Variants in HDAC8 observed in about 807,000 individuals in gnomAD.
HDAC8 encodes the protein histone deacetylase 8.
HDAC8 carries 1 observed loss-of-function variant against 32.2 expected under a neutral mutation model. The observed-to-expected ratio is 0.03, with a 90% CI of 0.01 to 0.15. HDAC8 has a LOEUF of 0.15. Among genes scored for constraint, HDAC8 ranks in the 10% least tolerant of loss-of-function variants. The pLI is 1.00. For missense variants in HDAC8, 117 were observed against 300.0 expected (o/e 0.39, Z 4.51); for synonymous variants, 108 against 113.9 (o/e 0.95, Z 0.33).
intron 9 of HDAC8, among the ~76,000 whole-genome samples, chrX:72,443,424 C>A (rs1555982993): frequency 9.0e-6 from 1 of 110,833 alleles, no homozygotes; most frequent in East Asian, 2.8e-4. Flanking sequence ...ACAACCTGCT[C>A]CTGAATGACT....
At chrX:72,495,360 CTAAAGTTCCCCCTTCTTT>C (rs2048989882) in intron 4 of HDAC8, 92 bp from the exon 5 acceptor site, 2 of 464,753 alleles carry the variant, frequency 4.3e-6, no homozygotes, top group East Asian at 8.1e-5. Context: ...ATCTAGTCCC[CTAAAGTTCCCCCTTCTTT>C]TAAGAAAAAC....
chrX:72,409,972 G>A (rs1450570493), intron 9 of HDAC8, among the ~76,000 whole-genome samples: 1 of 112,191 alleles, frequency 8.9e-6, no homozygotes, highest in African/African-American at 3.2e-5. Flanking sequence ...AATGATTCAG[G>A]ACAAATATCT....
intron 7 of HDAC8, among the ~76,000 whole-genome samples, chrX:72,470,124 G>A (rs2048125892): frequency 9.2e-6 from 1 of 108,499 alleles, no homozygotes; most frequent in African/African-American, 3.4e-5. Context: ...CTCCAGCCTG[G>A]GCCACAGAGT....
At chrX:72,556,393 A>G (rs2051283681) in intron 4 of HDAC8, among the ~76,000 whole-genome samples, 1 of 112,063 alleles carries the variant, frequency 8.9e-6, no homozygotes, top group South Asian at 3.7e-4. Context: ...TGAATAGAAT[A>G]GTACCTCAAT....
At chrX:72,513,492 A>AT (rs1195580059) in intron 4 of HDAC8, among the ~76,000 whole-genome samples, 1 of 108,837 alleles carries the variant, frequency 9.2e-6, no homozygotes, top group Non-Finnish European at 1.9e-5. Context: ...CACCTAACTA[A>AT]TTTTTTTGTA....
At chrX:72,378,491 G>C (rs144510953) in intron 9 of HDAC8, among the ~76,000 whole-genome samples, 73 of 111,906 alleles carry the variant, frequency 6.5e-4, no homozygotes, top group African/African-American at 2.3e-3. Context: ...GAACTTCCTA[G>C]CTTCCAGAAC....
intron 9 of HDAC8, among the ~76,000 whole-genome samples, chrX:72,405,828 A>C (rs1157542815): frequency 3.6e-5 from 4 of 111,572 alleles, no homozygotes; most frequent in African/African-American, 1.3e-4. Flanking sequence ...TTTTCAACTG[A>C]TGTATAAAGC....
At chrX:72,331,215 G>C (rs1555940403) in intron 10 of HDAC8, among the ~76,000 whole-genome samples, 1 of 110,793 alleles carries the variant, frequency 9.0e-6, no homozygotes, top group African/African-American at 3.3e-5. Context: ...AAAGTGCTGG[G>C]ATTACAGGTA....
intron 9 of HDAC8, among the ~76,000 whole-genome samples, chrX:72,353,581 G>A (rs1354412110): frequency 4.5e-5 from 5 of 111,838 alleles, no homozygotes; most frequent in African/African-American, 1.6e-4. Context: ...AGAAACTTGA[G>A]AGGCTTGTAT....
At chrX:72,465,817 T>TA (rs1428329223) in intron 7 of HDAC8, among the ~76,000 whole-genome samples, 2 of 111,474 alleles carry the variant, frequency 1.8e-5, no homozygotes, top group Non-Finnish European at 3.8e-5. Context: ...TTCAGGGACA[T>TA]AAAAAGCCAT....
chrX:72,550,239 G>A (rs1556066421), intron 4 of HDAC8, among the ~76,000 whole-genome samples: 4 of 110,954 alleles, frequency 3.6e-5, no homozygotes, highest in Admixed American at 2.9e-4. Flanking sequence ...GTTTAGCTTG[G>A]CATTCAAGGA....
At chrX:72,460,262 G>A (rs782036010) in intron 9 of HDAC8, among the ~76,000 whole-genome samples, 3 of 110,329 alleles carry the variant, frequency 2.7e-5, no homozygotes, top group Non-Finnish European at 5.7e-5. Context: ...TCAGCCTCCC[G>A]AGTAGCTGGG....
In HDAC8 at chrX:72,407,897, G is replaced by A. The variant is rs559893011; in HGVS notation, c.1005+54107C>T. 1.3e-4 allele frequency among the ~76,000 whole-genome samples: 15 copies of A among 112,205 alleles called. No individual in the cohort carries two copies. The South Asian group carries it at 5.2e-3, about 39-fold the overall frequency. Reference sequence around the variant, plus strand: ...ATCAGAAACACATGGGTGCCCAATGGTACTGAGTTATCATTCTTATATCTT... The same window carrying A: ...ATCAGAAACACATGGGTGCCCAATGATACTGAGTTATCATTCTTATATCTT... On this transcript the variant is annotated intron_variant, in intron 9 of 10. Coordinates refer to ENST00000373573, the MANE Select transcript of HDAC8 (RefSeq NM_018486.3).
intron 2 of HDAC8, 64 bp from the exon 3 acceptor site, chrX:72,568,948 G>C: frequency 3.6e-6 from 4 of 1,096,486 alleles, no homozygotes; most frequent in Non-Finnish European, 4.9e-6. Context: ...CCAGAAGCTA[G>C]AAACAGAAGC....
chrX:72,500,466 GGCTCAATATAT>G (rs1261898027), intron 4 of HDAC8, among the ~76,000 whole-genome samples: 3 of 111,922 alleles, frequency 2.7e-5, no homozygotes, highest in Non-Finnish European at 5.6e-5. Context: ...ATGCAAGGTT[GGCTCAATATAT>G]GCGAATCAAT....
At chrX:72,482,710 C>T (rs1273579261) in intron 7 of HDAC8, among the ~76,000 whole-genome samples, 1 of 111,483 alleles carries the variant, frequency 9.0e-6, no homozygotes. Context: ...TTCCATGTGA[C>T]AACTTTGGGG....
intron 10 of HDAC8, among the ~76,000 whole-genome samples, chrX:72,332,754 C>G (rs1238905221): frequency 9.0e-6 from 1 of 110,676 alleles, no homozygotes; most frequent in South Asian, 3.9e-4. Flanking sequence ...TGGGTTCAAG[C>G]GATTCTCCTA....
rs11335533 is a variant in HDAC8, at chrX:72,368,358, CTT to C, written c.1006-16522_1006-16521del. ...TTCCCTCCCGTGTGTTTCCACAAGG[CTT>C]TTTTTTTTTTTTTTTGAGATGGAGT... On this transcript the variant is annotated intron_variant, in intron 9 of 10. Coordinates refer to ENST00000373573, the MANE Select transcript of HDAC8 (RefSeq NM_018486.3). 8.4e-3 allele frequency among the ~76,000 whole-genome samples: 672 copies of C among 79,612 alleles called. 5 individuals carry two copies. Among genetic ancestry groups the C allele is most frequent in the African/African-American group, 0.035 (595 of 17,026 alleles). 69.1% of individuals were successfully genotyped at this position (79,612 alleles called of 115,157 possible).
At chrX:72,517,742 A>G (rs1556026101) in intron 4 of HDAC8, among the ~76,000 whole-genome samples, 2 of 112,006 alleles carry the variant, frequency 1.8e-5, no homozygotes, top group Non-Finnish European at 3.8e-5. Context: ...GTGAGGGTTT[A>G]TTTCTGGACT....
Sources: allele counts gnomAD v4.1 joint callset (sites outside exome capture counted in the v4.1 genomes callset), GRCh38; gene constraint gnomAD v4.1.1; transcripts MANE v1.5; gene names NCBI Gene and HGNC (gene_info 2026-07-23, HGNC 2026-07-21).